Variants in ABTB3 observed in about 807,000 individuals in gnomAD.
ABTB3 encodes the protein ankyrin repeat- and BTB/POZ domain-containing protein 3.
the ABTB3 span, chr12:107,618,392 C>T: frequency 1.9e-6 from 3 of 1,600,558 alleles, no homozygotes; most frequent in Non-Finnish European, 1.7e-6. Flanking sequence ...AGTCTGGGCA[C>T]CCTCCACCAC....
chr12:107,570,410 T>C, the ABTB3 span, among the ~76,000 whole-genome samples: 1 of 152,122 alleles, frequency 6.6e-6, no homozygotes, highest in Admixed American at 6.5e-5. Context: ...AGATGGTGTT[T>C]CTCCATGTTG....
At chr12:107,642,134 G>A in the ABTB3 span, 3 of 1,614,090 alleles carry the variant, frequency 1.9e-6, no homozygotes, top group Non-Finnish European at 2.5e-6. Context: ...GATGGCACCT[G>A]CATAGAGATT....
At chr12:107,516,169 A>G in the ABTB3 span, among the ~76,000 whole-genome samples, 29 of 152,094 alleles carry the variant, frequency 1.9e-4, no homozygotes, top group East Asian at 1.5e-3. Context: ...CCATTGACTA[A>G]TTTCCTGATT....
chr12:107,380,806 T>C, the ABTB3 span, among the ~76,000 whole-genome samples: 3 of 152,242 alleles, frequency 2.0e-5, no homozygotes, highest in African/African-American at 7.2e-5. Context: ...AGAACATTTT[T>C]CTCATCCTTT....
chr12:107,605,567 G>C, the ABTB3 span, among the ~76,000 whole-genome samples: 86 of 152,286 alleles, frequency 5.6e-4, 1 homozygote, highest in African/African-American at 1.9e-3. Flanking sequence ...GAGAAGCTGG[G>C]AAGGGGGAGC....
the ABTB3 span, among the ~76,000 whole-genome samples, chr12:107,434,879 A>C: frequency 4.1e-3 from 628 of 152,048 alleles, 7 homozygotes; most frequent in East Asian, 7.1e-3. Context: ...GAAAAAAAAA[A>C]AACAACAACA....
At chr12:107,471,475 G>A in the ABTB3 span, among the ~76,000 whole-genome samples, 290 of 152,302 alleles carry the variant, frequency 1.9e-3, 5 homozygotes, top group Non-Finnish European at 1.7e-3. Context: ...AAAGAGAGGA[G>A]GTAGTTGTAG....
At chr12:107,573,272 C>T in the ABTB3 span, among the ~76,000 whole-genome samples, 7 of 152,172 alleles carry the variant, frequency 4.6e-5, no homozygotes, top group Admixed American at 4.6e-4. Flanking sequence ...GAAGAATCAG[C>T]AGTAGAAAGA....
the ABTB3 span, among the ~76,000 whole-genome samples, chr12:107,628,673 G>T: frequency 1.3e-5 from 2 of 152,084 alleles, no homozygotes; most frequent in Admixed American, 6.5e-5. Flanking sequence ...AAGGGATGAG[G>T]TTCAACTATG....
At chr12:107,322,683 G>T in the ABTB3 span, among the ~76,000 whole-genome samples, 1 of 66,076 alleles carries the variant, frequency 1.5e-5, no homozygotes, top group African/African-American at 6.0e-5. Context: ...TATCCAGCAG[G>T]GCTCTGTATA....
the ABTB3 span, among the ~76,000 whole-genome samples, chr12:107,369,706 GGTTTTTTTTTT>G: frequency 7.8e-4 from 58 of 74,782 alleles, no homozygotes; most frequent in African/African-American, 2.4e-3. Context: ...GCCCAAACAT[GGTTTTTTTTTT>G]TTTTTTTTTT....
chr12:107,641,974 T>A, the ABTB3 span: 1 of 923,310 alleles, frequency 1.1e-6, no homozygotes, highest in African/African-American at 1.6e-5. Flanking sequence ...CAGTGCTATA[T>A]TTCAGATTTG....
chr12:107,547,080 G>C, the ABTB3 span, among the ~76,000 whole-genome samples: 2 of 152,086 alleles, frequency 1.3e-5, no homozygotes, highest in Non-Finnish European at 2.9e-5. Flanking sequence ...TGTAGTCCCA[G>C]CTACTTAGGG....
the ABTB3 span, among the ~76,000 whole-genome samples, chr12:107,476,010 G>A: frequency 6.6e-6 from 1 of 152,194 alleles, no homozygotes; most frequent in Non-Finnish European, 1.5e-5. Context: ...TAAAGCCGTG[G>A]ATCACACTTC....
At chr12:107,461,665 G>C in the ABTB3 span, among the ~76,000 whole-genome samples, 1 of 151,378 alleles carries the variant, frequency 6.6e-6, no homozygotes, top group Admixed American at 6.6e-5. Flanking sequence ...CTTAAGACTT[G>C]TATTGCAGAT....
chr12:107,514,753 G>A, the ABTB3 span, among the ~76,000 whole-genome samples: 1 of 152,148 alleles, frequency 6.6e-6, no homozygotes, highest in Non-Finnish European at 1.5e-5. Flanking sequence ...TTGTGTAATA[G>A]ATCAATTATA....
the ABTB3 span, among the ~76,000 whole-genome samples, chr12:107,361,078 C>T: frequency 1.3e-5 from 2 of 151,866 alleles, no homozygotes; most frequent in African/African-American, 4.8e-5. Context: ...GTGTGAGCCA[C>T]TGTACCTGGC....
At chr12:107,450,392 G>A in the ABTB3 span, among the ~76,000 whole-genome samples, 4 of 152,098 alleles carry the variant, frequency 2.6e-5, no homozygotes, top group South Asian at 2.1e-4. Context: ...TGACACGGGA[G>A]CCTTCAGAAT....
At chr12:107,658,354 TAGTA>T in the ABTB3 span, 2 of 152,974 alleles carry the variant, frequency 1.3e-5, no homozygotes, top group Non-Finnish European at 2.9e-5. Context: ...TTTTTTTAAA[TAGTA>T]AGTCACAGGT....
Sources: allele counts gnomAD v4.1 joint callset (sites outside exome capture counted in the v4.1 genomes callset), GRCh38; gene constraint gnomAD v4.1.1; transcripts MANE v1.5; gene names NCBI Gene and HGNC (gene_info 2026-07-23, HGNC 2026-07-21).